MARCHF1: variants seen among roughly 807,000 people sequenced by gnomAD.
MARCHF1 encodes E3 ubiquitin-protein ligase MARCHF1.
MARCHF1 carries 40 observed loss-of-function variants against 54.2 expected under a neutral mutation model. The observed-to-expected ratio is 0.74, with a 90% CI of 0.57 to 0.96. The LOEUF (loss-of-function observed/expected upper bound fraction) is 0.96, where lower values mean the gene tolerates loss of function less well. MARCHF1 is among the 40% of genes least tolerant of loss of function. The probability of loss-of-function intolerance (pLI) is 0.00; values close to 1 mark genes in which losing one functional copy is unlikely to be tolerated. For synonymous variants in MARCHF1, 236 were observed against 236.3 expected (o/e 1.00, Z 0.01); for missense variants, 586 against 656.5 (o/e 0.89, Z 1.17).
chr4:164,188,306 CG>C, intron 1 of MARCHF1: 1 of 327,996 alleles, frequency 3.0e-6, no homozygotes, highest in Non-Finnish European at 5.9e-6. Flanking sequence ...GGCGGGTAAC[CG>C]CGCTGCGCTC....
chr4:163,917,109 T>C (rs951660622), intron 3 of MARCHF1, among the ~76,000 whole-genome samples: 1 of 151,838 alleles, frequency 6.6e-6, no homozygotes, highest in African/African-American at 2.4e-5. Flanking sequence ...TATGTAGTCT[T>C]TTCAGATTGC....
chr4:163,686,083 G>A (rs931310907), intron 5 of MARCHF1, among the ~76,000 whole-genome samples: 2 of 152,096 alleles, frequency 1.3e-5, no homozygotes, highest in Non-Finnish European at 2.9e-5. Flanking sequence ...CTACTGGAAT[G>A]CTTAACACAT....
At chr4:164,173,963 A>C (rs966254626) in intron 1 of MARCHF1, among the ~76,000 whole-genome samples, 5 of 152,234 alleles carry the variant, frequency 3.3e-5, no homozygotes, top group Non-Finnish European at 5.9e-5. Flanking sequence ...TATTGTTAGA[A>C]AGAATAGCCA....
At chr4:163,912,403 T>G (rs1399434741) in intron 3 of MARCHF1, among the ~76,000 whole-genome samples, 2 of 152,194 alleles carry the variant, frequency 1.3e-5, no homozygotes, top group African/African-American at 4.8e-5. Context: ...CAGCGATTTT[T>G]AAACACAGAT....
At chr4:163,992,458 T>C (rs1326759772) in intron 2 of MARCHF1, among the ~76,000 whole-genome samples, 1 of 151,958 alleles carries the variant, frequency 6.6e-6, no homozygotes, top group Non-Finnish European at 1.5e-5. Flanking sequence ...ATAAATAATA[T>C]TAGATCTAAA....
At chr4:164,162,802 TAAG>T (rs1192580971) in intron 1 of MARCHF1, among the ~76,000 whole-genome samples, 1 of 151,992 alleles carries the variant, frequency 6.6e-6, no homozygotes, top group Non-Finnish European at 1.5e-5. Context: ...GCAGGCTAAA[TAAG>T]AAGAAAACAG....
At chr4:163,670,490 T>C (rs1743699007) in intron 5 of MARCHF1, among the ~76,000 whole-genome samples, 1 of 152,014 alleles carries the variant, frequency 6.6e-6, no homozygotes, top group Non-Finnish European at 1.5e-5. Flanking sequence ...TGCACTTTCA[T>C]TTTTCATATT....
At chr4:164,308,415 A>G (rs1026514739) in intron 1 of MARCHF1, among the ~76,000 whole-genome samples, 3 of 152,250 alleles carry the variant, frequency 2.0e-5, no homozygotes, top group Admixed American at 2.0e-4. Context: ...GTTGGGATCT[A>G]TTGATTTTAA....
chr4:163,787,261 C>T lies in MARCHF1; in HGVS notation c.111+66760G>A, dbSNP rs570774153. On this transcript the variant is annotated intron_variant, in intron 4 of 9. Coordinates refer to ENST00000514618, the MANE Select transcript of MARCHF1 (RefSeq NM_001394959.1). ...ATCAAACTTAAATCCTTCTAAGCAT[C>T]AAAATGGACAATCAACAAAGTGAAA... is the stretch of plus-strand genomic sequence containing the variant. Among the ~76,000 whole-genome samples the T allele has an allele frequency of 2.1e-4, 32 of 151,506 alleles. No individual in the cohort carries two copies. In the East Asian group the frequency reaches 6.0e-3, roughly 28 times the overall value.
intron 2 of MARCHF1, among the ~76,000 whole-genome samples, chr4:164,020,592 T>G (rs1042106140): frequency 1.3e-5 from 2 of 152,172 alleles, no homozygotes; most frequent in African/African-American, 4.8e-5. Context: ...CCACTTATAA[T>G]AAGCTCTGGA....
At chr4:163,905,622 A>T (rs1035758052) in intron 3 of MARCHF1, among the ~76,000 whole-genome samples, 2 of 152,092 alleles carry the variant, frequency 1.3e-5, no homozygotes, top group African/African-American at 4.8e-5. Flanking sequence ...ATCCTCGAAG[A>T]TATTGCTCTG....
At chr4:163,772,245 A>C (rs780654942) in intron 4 of MARCHF1, among the ~76,000 whole-genome samples, 2 of 152,212 alleles carry the variant, frequency 1.3e-5, no homozygotes, top group African/African-American at 4.8e-5. Context: ...TAAATAGAGC[A>C]ATAAGGAAAG....
intron 9 of MARCHF1, among the ~76,000 whole-genome samples, chr4:163,538,945 C>T (rs938730373): frequency 1.3e-5 from 2 of 152,190 alleles, no homozygotes; most frequent in Admixed American, 6.5e-5. Context: ...GGAAACACAA[C>T]TCATTCGGAA....
chr4:164,324,674 G>A (rs1311795737), intron 1 of MARCHF1, among the ~76,000 whole-genome samples: 1 of 151,326 alleles, frequency 6.6e-6, no homozygotes, highest in East Asian at 1.9e-4. Context: ...TATTATCTGT[G>A]TTAGCAATAA....
chr4:164,076,038 T>G (rs17044457), intron 2 of MARCHF1, among the ~76,000 whole-genome samples: 7,121 of 152,128 alleles, frequency 0.047, 543 homozygotes, highest in African/African-American at 0.16. Context: ...GTGATACAGG[T>G]GCTTGGTAGG....
intron 8 of MARCHF1, among the ~76,000 whole-genome samples, chr4:163,569,206 C>T (rs754404472): frequency 3.3e-5 from 5 of 152,116 alleles, no homozygotes; most frequent in Non-Finnish European, 7.4e-5. Context: ...ACCTGGATGG[C>T]TTCAATGTGC....
intron 4 of MARCHF1, among the ~76,000 whole-genome samples, chr4:163,849,178 C>T (rs115529593): frequency 5.3e-5 from 8 of 152,294 alleles, no homozygotes; most frequent in Admixed American, 4.6e-4. Context: ...GTTGGAATCC[C>T]AGTTTCACAA....
intron 5 of MARCHF1, among the ~76,000 whole-genome samples, chr4:163,666,494 T>C (rs72991591): frequency 0.12 from 17,623 of 152,162 alleles, 1,173 homozygotes; most frequent in African/African-American, 0.18. Context: ...TTATCCAGAA[T>C]TTTTTAAGGA....
intron 2 of MARCHF1, among the ~76,000 whole-genome samples, chr4:164,043,493 C>A (rs567986135): frequency 6.6e-6 from 1 of 152,238 alleles, no homozygotes; most frequent in African/African-American, 2.4e-5. Context: ...TGAGGCTGAA[C>A]AGAGCAGCTG....
Sources: allele counts gnomAD v4.1 joint callset (sites outside exome capture counted in the v4.1 genomes callset), GRCh38; gene constraint gnomAD v4.1.1; transcripts MANE v1.5; gene names NCBI Gene and HGNC (gene_info 2026-07-23, HGNC 2026-07-21).